The following CNTN5 variants were observed in gnomAD, a reference collection of about 807,000 sequenced individuals.
CNTN5 encodes the protein contactin-5.
Under a neutral mutation model 129.1 loss-of-function variants are expected in CNTN5, and 77 were observed. The ratio of observed to expected loss-of-function variants is 0.60; its 90% CI spans 0.50 to 0.72. The LOEUF (loss-of-function observed/expected upper bound fraction) is 0.72, where lower values mean the gene tolerates loss of function less well. Ranked by LOEUF, CNTN5 falls within the 30% of genes least tolerant of loss-of-function variation. The pLI, the probability that CNTN5 is intolerant of heterozygous loss-of-function variation, is 0.00. For missense variants in CNTN5, 1,478 were observed against 1,328.8 expected, an observed-to-expected ratio of 1.11 and a Z score of -1.75; for synonymous variants, 509 against 465.6, an observed-to-expected ratio of 1.09 and a Z score of -1.20.
intron 3 of CNTN5, among the ~76,000 whole-genome samples, chr11:99,571,991 A>G (rs1949189591): frequency 6.6e-6 from 1 of 152,190 alleles, no homozygotes; most frequent in Non-Finnish European, 1.5e-5. Context: ...TCTTAATGAG[A>G]TACGAAAGCC....
At chr11:99,886,277 G>A (rs1026727693) in intron 6 of CNTN5, among the ~76,000 whole-genome samples, 2 of 151,948 alleles carry the variant, frequency 1.3e-5, no homozygotes, top group Non-Finnish European at 2.9e-5. Flanking sequence ...TGAGGAAAAA[G>A]ATCTGGACAT....
At chr11:99,559,388 A>G (rs1300948261) in intron 3 of CNTN5, among the ~76,000 whole-genome samples, 1 of 152,132 alleles carries the variant, frequency 6.6e-6, no homozygotes, top group Non-Finnish European at 1.5e-5. Context: ...ACTCTTACCT[A>G]ACTCTATGTT....
Position 100,241,790 on chromosome 11 carries a change from G to A in CNTN5, c.2006-13970G>A, listed in dbSNP as rs144284204. Among the ~76,000 whole-genome samples, 13 of 152,304 alleles carry A rather than the reference G, an allele frequency of 8.5e-5. No homozygotes were observed. In the East Asian group the frequency reaches 2.3e-3, roughly 27 times the overall value. On this transcript the variant is annotated intron_variant, in intron 16 of 24. Coordinates refer to ENST00000524871, the MANE Select transcript of CNTN5 (RefSeq NM_014361.4). ...AAGTAAGACCGCAAGAGACCAGCAT[G>A]CAAAGGATCCTCAGAAACTATCACT...
At chr11:100,157,566 C>G (rs911487496) in intron 13 of CNTN5, among the ~76,000 whole-genome samples, 3 of 151,282 alleles carry the variant, frequency 2.0e-5, no homozygotes, top group Admixed American at 6.6e-5. Context: ...TGTATATTTG[C>G]TTTGTTTTTG....
At chr11:99,218,908 G>T (rs950175225) in intron 1 of CNTN5, among the ~76,000 whole-genome samples, 2 of 151,992 alleles carry the variant, frequency 1.3e-5, no homozygotes, top group Non-Finnish European at 2.9e-5. Context: ...GATTATGAAG[G>T]TAGGAGCCAT....
chr11:100,092,304 T>G (rs1329018814), intron 13 of CNTN5, among the ~76,000 whole-genome samples: 2 of 152,140 alleles, frequency 1.3e-5, no homozygotes, highest in Non-Finnish European at 2.9e-5. Context: ...GGTGTAACTT[T>G]TCTCATCTTT....
chr11:99,364,956 T>C lies in CNTN5; in HGVS notation c.-71+39472T>C, dbSNP rs146341049. Among the ~76,000 whole-genome samples the C allele has an allele frequency of 8.0e-4, 122 of 152,240 alleles. No individual in the cohort carries two copies. In the Middle Eastern group the frequency reaches 0.017, roughly 21 times the overall value. ...TCTGGTACCTGAATAAGGATGGCTT[T>C]GAAGGGAAAAGATTGGAGATACAGA... On this transcript the variant is annotated intron_variant, in intron 2 of 24. Transcript: ENST00000524871.
chr11:99,419,294 A>G (rs144997924), intron 2 of CNTN5, among the ~76,000 whole-genome samples: 178 of 152,264 alleles, frequency 1.2e-3, no homozygotes, highest in Non-Finnish European at 2.2e-3. Context: ...GTATGTGATG[A>G]CTTTACTCAT....
chr11:99,327,126 A>T (rs1337551425), intron 2 of CNTN5, among the ~76,000 whole-genome samples: 1 of 152,138 alleles, frequency 6.6e-6, no homozygotes, highest in African/African-American at 2.4e-5. Flanking sequence ...ACCTTAATTG[A>T]ATTTAGTAAT....
chr11:100,220,507 T>A (rs756769229), intron 15 of CNTN5, among the ~76,000 whole-genome samples: 2 of 152,168 alleles, frequency 1.3e-5, no homozygotes, highest in Non-Finnish European at 1.5e-5. Context: ...GGAATATTTA[T>A]ATCTAAAATA....
At chr11:99,155,593 A>C (rs1305737470) in intron 1 of CNTN5, among the ~76,000 whole-genome samples, 1 of 152,070 alleles carries the variant, frequency 6.6e-6, no homozygotes, top group Non-Finnish European at 1.5e-5. Flanking sequence ...AATTTTTTAT[A>C]GTTGATATAC....
intron 1 of CNTN5, among the ~76,000 whole-genome samples, chr11:99,163,440 TAAG>T (rs1437988754): frequency 3.3e-5 from 5 of 152,064 alleles, no homozygotes; most frequent in African/African-American, 7.2e-5. Context: ...ATTATTTTAA[TAAG>T]AAATATTTAA....
At chr11:99,664,532 A>C (rs1481892040) in intron 3 of CNTN5, among the ~76,000 whole-genome samples, 1 of 152,168 alleles carries the variant, frequency 6.6e-6, no homozygotes, top group East Asian at 1.9e-4. Flanking sequence ...GAAATACAGG[A>C]TATCAATGGC....
intron 17 of CNTN5, 104 bp from the exon 18 acceptor site, chr11:100,270,988 T>G: frequency 1.1e-6 from 1 of 887,420 alleles, no homozygotes; most frequent in Non-Finnish European, 1.7e-6. Context: ...TGAGGAAATA[T>G]GCATTAGCCT....
At chr11:99,970,400 C>T (rs1951217221) in intron 8 of CNTN5, among the ~76,000 whole-genome samples, 1 of 152,130 alleles carries the variant, frequency 6.6e-6, no homozygotes, top group South Asian at 2.1e-4. Flanking sequence ...AATCTATTTG[C>T]CTAATTTGGT....
At chr11:99,536,323 A>G (rs1947899046) in intron 2 of CNTN5, among the ~76,000 whole-genome samples, 1 of 152,104 alleles carries the variant, frequency 6.6e-6, no homozygotes, top group East Asian at 1.9e-4. Context: ...GTTTCCTTTA[A>G]CATATATAAT....
intron 1 of CNTN5, among the ~76,000 whole-genome samples, chr11:99,114,527 C>G (rs1276558956): frequency 4.9e-5 from 7 of 142,320 alleles, no homozygotes; most frequent in Non-Finnish European, 1.5e-5. Flanking sequence ...TTTACTCTTT[C>G]TTCCTTCTTT....
intron 2 of CNTN5, among the ~76,000 whole-genome samples, chr11:99,523,781 G>A (rs1215191412): frequency 6.6e-6 from 1 of 152,090 alleles, no homozygotes; most frequent in South Asian, 2.1e-4. Context: ...ACATATCTAG[G>A]AAGCGTGATT....
Position 100,208,216 on chromosome 11 carries a change from A to G in CNTN5, c.1884+14553A>G, listed in dbSNP as rs147675853. ...ATTTTCACTACAAAATAAACCTTGCAAAAACCTAGTGGCTTCAAATAACCA... is the reference window on the plus strand; with the variant it reads ...ATTTTCACTACAAAATAAACCTTGCGAAAACCTAGTGGCTTCAAATAACCA... On this transcript the variant is annotated intron_variant, in intron 15 of 24. Coordinates refer to ENST00000524871, the MANE Select transcript of CNTN5 (RefSeq NM_014361.4). Among the ~76,000 whole-genome samples, 251 of 152,316 alleles carry G rather than the reference A, an allele frequency of 1.6e-3. 1 individual carries two copies. Among genetic ancestry groups the G allele is most frequent in the African/African-American group, 5.7e-3 (235 of 41,578 alleles).
Sources: gnomAD v4.1 joint callset for allele counts (sites outside exome capture counted in the v4.1 genomes callset) on GRCh38, gnomAD v4.1.1 for gene constraint, MANE v1.5 for transcripts, NCBI Gene and HGNC (gene_info 2026-07-23, HGNC 2026-07-21) for gene names.